Variants in CIT observed in about 807,000 individuals in gnomAD.
The protein encoded by CIT is citron rho-interacting serine/threonine kinase, also known as citron Rho-interacting kinase.
CIT carries 79 observed loss-of-function variants against 272.7 expected under a neutral mutation model. That is an observed-to-expected ratio of 0.29 (90% confidence interval 0.24 to 0.35). CIT has a LOEUF of 0.35. Among genes scored for constraint, CIT ranks in the 10% least tolerant of loss-of-function variants. The pLI, the probability that CIT is intolerant of heterozygous loss-of-function variation, is 1.00. For missense variants in CIT, 1,909 were observed against 2,618.3 expected, an observed-to-expected ratio of 0.73 and a Z score of 5.91; for synonymous variants, 948 against 995.6, an observed-to-expected ratio of 0.95 and a Z score of 0.90.
chr12:119,689,126 C>A (rs1955767781), intron 47 of CIT, among the ~76,000 whole-genome samples: 1 of 152,138 alleles, frequency 6.6e-6, no homozygotes, highest in Non-Finnish European at 1.5e-5. Context: ...CCGTGGTGAG[C>A]TATGATCACA....
intron 9 of CIT, 66 bp from the exon 10 acceptor site, chr12:119,803,455 T>G (rs1966381646): frequency 1.7e-6 from 2 of 1,200,722 alleles, no homozygotes; most frequent in African/African-American, 1.6e-5. Context: ...TCAACACTGT[T>G]GCGGAGAAGA....
At chr12:119,756,367 CA>C (rs1485023834) in intron 22 of CIT, among the ~76,000 whole-genome samples, 1 of 152,196 alleles carries the variant, frequency 6.6e-6, no homozygotes, top group Non-Finnish European at 1.5e-5. Flanking sequence ...GCAAGTGGCT[CA>C]AGGGCCCAGT....
At chr12:119,849,061 C>T (rs1453810749) in intron 5 of CIT, among the ~76,000 whole-genome samples, 1 of 151,918 alleles carries the variant, frequency 6.6e-6, no homozygotes, top group Non-Finnish European at 1.5e-5. Context: ...CTACAGAGCA[C>T]AGTTAAGGGT....
chr12:119,812,522 C>G (rs551518169), intron 9 of CIT, among the ~76,000 whole-genome samples: 13 of 152,054 alleles, frequency 8.5e-5, no homozygotes, highest in Non-Finnish European at 1.8e-4. Context: ...TCACTATAAG[C>G]TTGAACTCCT....
rs555622944 is a variant in CIT at position 119,868,485 on chromosome 12, A to C, written c.238+575T>G. Among the ~76,000 whole-genome samples, 6 of 152,278 alleles carry C rather than the reference A, an allele frequency of 3.9e-5. No individual in the cohort carries two copies. In the South Asian group the frequency reaches 1.0e-3, roughly 26 times the overall value. On this transcript the variant is annotated intron_variant, in intron 3 of 47. Coordinates refer to ENST00000392521, the MANE Select transcript of CIT (RefSeq NM_001206999.2). ...ATTATTGAGGTCTCTGGAACTAGCT[A>C]TGCCTAAAGCTAAAACTTAACTCAT...
At chr12:119,771,985 T>G (rs1963208231) in intron 17 of CIT, among the ~76,000 whole-genome samples, 1 of 152,076 alleles carries the variant, frequency 6.6e-6, no homozygotes, top group East Asian at 1.9e-4. Flanking sequence ...CTAAATCTGA[T>G]GCACCATTCA....
In CIT at chr12:119,718,965, A is replaced by G. The variant is rs538526039; in HGVS notation, c.3841-104T>C. 8.9e-6 allele frequency: 10 copies of G among 1,121,674 alleles called. No individual in the cohort carries two copies. In the East Asian group the frequency reaches 2.4e-4, roughly 27 times the overall value. 69.5% of individuals were successfully genotyped at this position (1,121,674 alleles called of 1,614,324 possible). A position where few individuals can be genotyped will look rare whatever the true frequency, so the allele number is the denominator to read the frequency against. ...GGAGCAAACCACAAAAGCCAGGAGC[A>G]TACTCACTGTAAGTGTATTTAGTAA... On this transcript the variant is annotated intron_variant, in intron 30 of 47. Transcript: ENST00000392521. This position sits in a 1 kb window ranked among gnomAD's most constrained non-coding sequence, Gnocchi z 4.8.
rs143834013 is a variant in CIT, at chr12:119,833,257, G to A, written c.660-393C>T. 3.7e-4 allele frequency among the ~76,000 whole-genome samples: 56 copies of A among 152,288 alleles called. 1 individual carries two copies. In the East Asian group the frequency reaches 0.01, roughly 28 times the overall value. ...CATGTAGCTAGGCAATGGAAAAGCT[G>A]AGACTCTATCTCAAATTTTGTGATT... On this transcript the variant is annotated intron_variant, in intron 6 of 47. Coordinates refer to ENST00000392521, the MANE Select transcript of CIT (RefSeq NM_001206999.2).
intron 10 of CIT, among the ~76,000 whole-genome samples, chr12:119,787,952 C>A (rs1455157974): frequency 6.6e-6 from 1 of 152,144 alleles, no homozygotes; most frequent in Non-Finnish European, 1.5e-5. Flanking sequence ...ACAAATGTCA[C>A]CTGTTACTAC....
chr12:119,731,081 C>A (rs1392144865), intron 26 of CIT, among the ~76,000 whole-genome samples: 1 of 149,688 alleles, frequency 6.7e-6, no homozygotes, highest in Non-Finnish European at 1.5e-5. Flanking sequence ...GAGCCGAGAT[C>A]ACACCACCGC....
chr12:119,857,448 T>A (rs964984432), intron 4 of CIT, 75 bp downstream of exon 4: 1 of 1,469,710 alleles, frequency 6.8e-7, no homozygotes, highest in African/African-American at 1.4e-5. Context: ...TAGACGCCAG[T>A]GCAGCAGATT....
chr12:119,789,901 A>G (rs1348948553), intron 10 of CIT, among the ~76,000 whole-genome samples: 1 of 151,036 alleles, frequency 6.6e-6, no homozygotes, highest in Non-Finnish European at 1.5e-5. Context: ...ATTCTAGTAC[A>G]GATGGGGTTT....
At chr12:119,862,550 G>A (rs1383532950) in intron 3 of CIT, among the ~76,000 whole-genome samples, 1 of 151,740 alleles carries the variant, frequency 6.6e-6, no homozygotes, top group Non-Finnish European at 1.5e-5. Flanking sequence ...GCTGGCCACA[G>A]TGGCTCCCGC....
intron 28 of CIT, among the ~76,000 whole-genome samples, chr12:119,723,077 TA>T (rs34015890): frequency 0.6 from 90,641 of 150,976 alleles, 27,538 homozygotes; most frequent in African/African-American, 0.69. Context: ...AACGAAAATT[TA>T]AAAAAAAAAT....
chr12:119,776,299 A>AAGTTAT (rs1963738291), intron 15 of CIT, 59 bp downstream of exon 15: 7 of 1,289,708 alleles, frequency 5.4e-6, no homozygotes, highest in Middle Eastern at 1.8e-4. Flanking sequence ...ACTGATAATA[A>AAGTTAT]CATGAAAAAA....
At position 119,857,687 on chromosome 12, in the gene CIT, T is replaced by C. The variant is rs773840051; in HGVS notation, c.250A>G (p.Ile84Val). The C allele has an allele frequency of 3.5e-5, 56 of 1,613,814 alleles. No homozygotes were observed. The highest frequency in any genetic ancestry group is 3.3e-4 in the Middle Eastern group (2 of 6,084). ...SNFVRKYSDTIAELQELQPSA... is the reference protein window; with the variant it reads ...SNFVRKYSDTVAELQELQPSA... Reference sequence around the variant, plus strand: ...GGCTGGAGCTCCTGTAACTCAGCTATGGTGTCGGAATCTGCAAAAGATGCA... The same window carrying C: ...GGCTGGAGCTCCTGTAACTCAGCTACGGTGTCGGAATCTGCAAAAGATGCA... Residue 84 changes from isoleucine to valine, a missense_variant, in exon 4 of 48, where the codon ATA becomes GTA. This residue lies in a region of CIT where 529 missense variants were observed against 549.6 expected (regional missense o/e 0.96). Transcript: ENST00000392521.
At chr12:119,769,209 T>C (rs768629586) in intron 18 of CIT, among the ~76,000 whole-genome samples, 14 of 152,104 alleles carry the variant, frequency 9.2e-5, no homozygotes, top group Non-Finnish European at 1.6e-4. Context: ...TATTTGTGAA[T>C]GGGAGTTTAT....
At chr12:119,688,652 G>T (rs961967998) in intron 47 of CIT, among the ~76,000 whole-genome samples, 14 of 152,216 alleles carry the variant, frequency 9.2e-5, no homozygotes, top group Admixed American at 8.5e-4. Context: ...TCCTTGACCT[G>T]CTTAGCCTGC....
At chr12:119,747,010 G>T (rs1046659875) in intron 23 of CIT, among the ~76,000 whole-genome samples, 2 of 148,466 alleles carry the variant, frequency 1.3e-5, no homozygotes, top group African/African-American at 2.5e-5. Context: ...TGAAATGTGT[G>T]AGTGTTAATT....
Sources: gnomAD v4.1 joint callset for allele counts (sites outside exome capture counted in the v4.1 genomes callset) on GRCh38, gnomAD v4.1.1 for gene constraint, gnomAD v4.1.1 regional missense constraint, Gnocchi (gnomAD v3.1) non-coding constraint, MANE v1.5 for transcripts, NCBI Gene and HGNC (gene_info 2026-07-23, HGNC 2026-07-21) for gene names.